MYO16: variants seen among roughly 807,000 people sequenced by gnomAD.
MYO16 encodes unconventional myosin-XVI.
A neutral mutation model predicts 205.3 loss-of-function variants in MYO16; 94 were observed. That is an observed-to-expected ratio of 0.46 (90% CI 0.39 to 0.54). MYO16 has a LOEUF of 0.54. Ranked by LOEUF, MYO16 falls within the 20% of genes least tolerant of loss-of-function variation. The probability of loss-of-function intolerance (pLI) is 0.00; values close to 1 mark genes in which losing one functional copy is unlikely to be tolerated. For synonymous variants in MYO16, 988 were observed against 954.0 expected, an observed-to-expected ratio of 1.04 and a Z score of -0.66; for missense variants, 2,315 against 2,387.5, an observed-to-expected ratio of 0.97 and a Z score of 0.63.
intron 2 of MYO16, among the ~76,000 whole-genome samples, chr13:108,666,823 C>T (rs1382945874): frequency 6.6e-6 from 1 of 152,116 alleles, no homozygotes; most frequent in African/African-American, 2.4e-5. Flanking sequence ...TTTTTATATA[C>T]TCTTGTATGT....
At chr13:108,974,943 C>T (rs891840874) in intron 20 of MYO16, among the ~76,000 whole-genome samples, 1 of 152,188 alleles carries the variant, frequency 6.6e-6, no homozygotes, top group Non-Finnish European at 1.5e-5. Flanking sequence ...TTTTGAATTA[C>T]AGTTTACATC....
chr13:109,136,020 TA>T (rs550963722), intron 31 of MYO16, among the ~76,000 whole-genome samples: 52 of 152,254 alleles, frequency 3.4e-4, no homozygotes, highest in African/African-American at 1.1e-3. Context: ...CCCTGAATTT[TA>T]TTTCTGCTTG....
At chr13:108,593,784 TAG>T (rs1246380729), upstream of MYO16, among the ~76,000 whole-genome samples, 2 of 152,100 alleles carry the variant, frequency 1.3e-5, no homozygotes, top group African/African-American at 4.8e-5. Context: ...AAGTCGCACT[TAG>T]AGTCTGTCGG....
chr13:108,686,500 T>C (rs1882682449), intron 2 of MYO16, among the ~76,000 whole-genome samples: 2 of 152,208 alleles, frequency 1.3e-5, no homozygotes, highest in South Asian at 4.1e-4. Context: ...CGAAGGAAGC[T>C]GTGATGACAC....
intron 7 of MYO16, among the ~76,000 whole-genome samples, chr13:108,807,767 G>A (rs910229729): frequency 1.3e-5 from 2 of 152,124 alleles, no homozygotes; most frequent in African/African-American, 4.8e-5. Flanking sequence ...TAATTAATGG[G>A]GAGGAGCAGA....
chr13:108,875,013 C>T (rs910912119), intron 12 of MYO16, among the ~76,000 whole-genome samples: 1 of 152,044 alleles, frequency 6.6e-6, no homozygotes, highest in African/African-American at 2.4e-5. Flanking sequence ...CAGGATTCTG[C>T]AATCTGCTAG....
At chr13:108,522,292 T>C in the MYO16 span, among the ~76,000 whole-genome samples, 2 of 152,252 alleles carry the variant, frequency 1.3e-5, no homozygotes, top group Non-Finnish European at 2.9e-5. Flanking sequence ...CTGGCAAGTC[T>C]ATTGCTATTT....
chr13:109,026,596 A>G (rs1254485277), intron 23 of MYO16, among the ~76,000 whole-genome samples: 1 of 152,210 alleles, frequency 6.6e-6, no homozygotes, highest in Non-Finnish European at 1.5e-5. Flanking sequence ...GTTCATCTTG[A>G]CAGATGATAA....
At chr13:108,591,229 C>G (rs575326641), upstream of MYO16, among the ~76,000 whole-genome samples, 1 of 152,308 alleles carries the variant, frequency 6.6e-6, no homozygotes, top group South Asian at 2.1e-4. Flanking sequence ...AGCCCTGTCT[C>G]TGGGGCATCA....
At position 108,863,475 on chromosome 13, in the gene MYO16, T is replaced by A. The variant is rs559139726; in HGVS notation, c.1360-2702T>A. The stretch of plus-strand genomic sequence containing the variant: ...TGATCATATGTCTTTTTAAGTTTTT[T>A]AAAATATTATTAGTTACAATTATTG... On this transcript the variant is annotated intron_variant, in intron 11 of 34. Coordinates refer to ENST00000457511, the MANE Select transcript of MYO16 (RefSeq NM_001198950.3). Among the ~76,000 whole-genome samples, 45 of 152,316 alleles carry A rather than the reference T, an allele frequency of 3.0e-4. No individual in the cohort carries two copies. The Middle Eastern group carries it at 0.01, about 35-fold the overall frequency.
chr13:108,906,067 G>A (rs1035605860), intron 15 of MYO16, among the ~76,000 whole-genome samples: 2 of 152,050 alleles, frequency 1.3e-5, no homozygotes, highest in Non-Finnish European at 2.9e-5. Context: ...TGTCCAAGGG[G>A]GATAACCATC....
chr13:108,976,276 C>G (rs1257169027), intron 20 of MYO16, among the ~76,000 whole-genome samples: 2 of 152,142 alleles, frequency 1.3e-5, no homozygotes, highest in East Asian at 3.8e-4. Flanking sequence ...CTCTCTCTCT[C>G]TCTGATGTGA....
rs766603161 is a variant in MYO16 at position 109,009,089 on chromosome 13, G to A, written c.2595+40G>A. The A allele has an allele frequency of 1.0e-5, 15 of 1,460,482 alleles. No individual in the cohort carries two copies. The East Asian group carries it at 2.9e-4, about 28-fold the overall frequency. The allele number at this position is 1,460,482 out of a possible 1,614,324, so 90.5% of individuals were successfully genotyped here. A position where few individuals can be genotyped will look rare whatever the true frequency, so the allele number is the denominator to read the frequency against. ...TAATTAGATACTTAACAGGATATAT[G>A]GGTTTAAATATACTGGAGACAAAGA... On this transcript the variant is annotated intron_variant, in intron 22 of 34. Coordinates refer to ENST00000457511, the MANE Select transcript of MYO16 (RefSeq NM_001198950.3).
Position 109,104,729 on chromosome 13 carries a change from C to T in MYO16, c.3438+3842C>T, listed in dbSNP as rs190070220. Among the ~76,000 whole-genome samples the T allele has an allele frequency of 1.4e-3, 215 of 152,280 alleles. 1 individual carries two copies. The highest frequency in any genetic ancestry group is 4.9e-3 in the African/African-American group (205 of 41,548). The stretch of plus-strand genomic sequence containing the variant: ...TGTCAAAGGAGCATCGCTGCACCTT[C>T]GCAGCTAGAGCAAAGGCAGTTTGAA... On this transcript the variant is annotated intron_variant, in intron 28 of 34. Transcript: ENST00000457511.
At chr13:108,707,578 A>C (rs1188876805) in intron 2 of MYO16, among the ~76,000 whole-genome samples, 4 of 152,134 alleles carry the variant, frequency 2.6e-5, no homozygotes, top group Non-Finnish European at 4.4e-5. Flanking sequence ...GTCTAGCTTA[A>C]TATGCATGTA....
intron 27 of MYO16, among the ~76,000 whole-genome samples, chr13:109,091,392 C>T (rs1271018371): frequency 1.3e-5 from 2 of 152,174 alleles, no homozygotes; most frequent in Non-Finnish European, 1.5e-5. Context: ...TTTCCCTTGC[C>T]TCTGAAAAAC....
chr13:109,169,243 A>G (rs1878827243), intron 33 of MYO16, among the ~76,000 whole-genome samples: 1 of 152,244 alleles, frequency 6.6e-6, no homozygotes, highest in Non-Finnish European at 1.5e-5. Context: ...GCATCACAAG[A>G]GAACAAATAC....
At chr13:108,646,140 G>C (rs558910405) in intron 1 of MYO16, among the ~76,000 whole-genome samples, 1 of 152,282 alleles carries the variant, frequency 6.6e-6, no homozygotes, top group South Asian at 2.1e-4. Flanking sequence ...TAGCTCCCAT[G>C]AAAGGAAAGT....
intron 28 of MYO16, among the ~76,000 whole-genome samples, chr13:109,113,387 G>A (rs574641128): frequency 3.3e-5 from 5 of 151,886 alleles, no homozygotes; most frequent in Admixed American, 6.6e-5. Context: ...GACTAAAAGG[G>A]CCATACAATA....
Sources: allele counts gnomAD v4.1 joint callset (sites outside exome capture counted in the v4.1 genomes callset), GRCh38; gene constraint gnomAD v4.1.1; transcripts MANE v1.5; gene names NCBI Gene and HGNC (gene_info 2026-07-23, HGNC 2026-07-21).